The following SLC2A5 variants were observed in gnomAD, a reference collection of about 807,000 sequenced individuals.
The protein encoded by SLC2A5 is solute carrier family 2 member 5, also known as solute carrier family 2, facilitated glucose transporter member 5.
In SLC2A5, 56 loss-of-function variants were observed where a neutral mutation model predicts 50.3. The ratio of observed to expected loss-of-function variants is 1.11; its 90% CI spans 0.90 to 1.39. The LOEUF is 1.39. Among genes scored for constraint, SLC2A5 ranks in the 40% most tolerant of loss-of-function variants. SLC2A5 has a pLI of 0.00. For missense variants in SLC2A5, 566 were observed against 650.1 expected (o/e 0.87, Z 1.41); for synonymous variants, 269 against 281.9 (o/e 0.95, Z 0.46).
At chr1:9,066,139 G>A (rs892782176) in intron 1 of SLC2A5, among the ~76,000 whole-genome samples, 12 of 152,172 alleles carry the variant, frequency 7.9e-5, no homozygotes, top group African/African-American at 2.9e-4. Context: ...TACTCAACTA[G>A]TTGCTGGTGG....
intron 1 of SLC2A5, 51 bp downstream of exon 1, chr1:9,069,453 C>T: frequency 6.2e-7 from 1 of 1,603,696 alleles, no homozygotes; most frequent in Non-Finnish European, 8.5e-7. Flanking sequence ...GCTGCACAGG[C>T]CCTGGCAGCC....
At chr1:9,056,402 C>T (rs1641752621) in intron 3 of SLC2A5, among the ~76,000 whole-genome samples, 1 of 152,110 alleles carries the variant, frequency 6.6e-6, no homozygotes. Flanking sequence ...CCAGGCTGGT[C>T]TCCAACTCCT....
upstream of SLC2A5, among the ~76,000 whole-genome samples, chr1:9,072,817 C>T (rs1283778850): frequency 7.3e-6 from 1 of 137,782 alleles, no homozygotes; most frequent in African/African-American, 2.7e-5. Flanking sequence ...AAAAAATTAG[C>T]CGGTCGTGGT....
intron 1 of SLC2A5, among the ~76,000 whole-genome samples, chr1:9,087,730 CG>C (rs1557687433): frequency 6.6e-6 from 1 of 152,088 alleles, no homozygotes; most frequent in East Asian, 1.9e-4. Context: ...CTGTGAGACT[CG>C]GGCCAGGGCT....
intron 1 of SLC2A5, among the ~76,000 whole-genome samples, chr1:9,063,758 C>T (rs1449870521): frequency 3.4e-5 from 4 of 118,120 alleles, no homozygotes; most frequent in East Asian, 2.3e-4. Context: ...TGCAGTGGCG[C>T]GATCTCGGCT....
chr1:9,081,577 C>T (rs1373597966), intron 2 of SLC2A5, among the ~76,000 whole-genome samples: 1 of 150,694 alleles, frequency 6.6e-6, no homozygotes, highest in Non-Finnish European at 1.5e-5. Flanking sequence ...AGAACTCTTA[C>T]AACTCAACAA....
intron 3 of SLC2A5, among the ~76,000 whole-genome samples, chr1:9,048,472 AC>A (rs1641490397): frequency 6.6e-6 from 1 of 152,156 alleles, no homozygotes; most frequent in South Asian, 2.1e-4. Flanking sequence ...AGATCGTGCC[AC>A]TGCACTCCAG....
At chr1:9,082,817 G>C (rs1248739682) in intron 2 of SLC2A5, 1 of 421,866 alleles carries the variant, frequency 2.4e-6, no homozygotes. Context: ...TTTTGAATTT[G>C]CAGTAACAGC....
chr1:9,084,037 G>A (rs12732623), intron 2 of SLC2A5, among the ~76,000 whole-genome samples: 13,084 of 151,988 alleles, frequency 0.086, 683 homozygotes, highest in Middle Eastern at 0.2. Flanking sequence ...CCAGCTACGC[G>A]GGAGGCTGAG....
intron 4 of SLC2A5, among the ~76,000 whole-genome samples, chr1:9,042,658 G>A (rs1641335836): frequency 6.8e-6 from 1 of 147,256 alleles, no homozygotes; most frequent in Non-Finnish European, 1.5e-5. Flanking sequence ...TGGCCTGGGT[G>A]TGTGTGTGTG....
chr1:9,040,177 AG>A lies in SLC2A5; in HGVS notation c.583del (p.Leu195CysfsTer4), dbSNP rs1479551865. Reference sequence around the variant, plus strand: ...CGCGGGGACCCCGGTCAGCCCCAGCAGGATCGGCCAGCCTGGGAGGAAGGCA... The same window carrying A: ...CGCGGGGACCCCGGTCAGCCCCAGCAGATCGGCCAGCCTGGGAGGAAGGCA... ...LLANVDGWPI[L>X]LGLTGVPAAL... On this transcript the variant is annotated frameshift_variant, in exon 6 of 12. Coordinates refer to ENST00000377424, the MANE Select transcript of SLC2A5 (RefSeq NM_003039.3). LOFTEE classifies it high-confidence loss of function. The surrounding 1 kb of genome is among the most constrained non-coding windows in gnomAD (Gnocchi z 4.3). 6.4e-6 allele frequency: 10 copies of A among 1,550,542 alleles called. No individual in the cohort carries two copies. Among genetic ancestry groups the A allele is most frequent in the Non-Finnish European group, 8.7e-6 (10 of 1,148,302 alleles).
intron 9 of SLC2A5, 33 bp downstream of exon 9, chr1:9,038,795 C>G (rs1442524212): frequency 6.5e-7 from 1 of 1,538,524 alleles, no homozygotes; most frequent in Non-Finnish European, 8.8e-7. Context: ...CCTGGTGCAG[C>G]TCCGGGCTCC....
chr1:9,080,610 C>T (rs1403849784), intron 2 of SLC2A5, among the ~76,000 whole-genome samples: 3 of 152,154 alleles, frequency 2.0e-5, no homozygotes, highest in East Asian at 1.9e-4. Flanking sequence ...TTTTCACATT[C>T]GTGTTGGCCG....
chr1:9,084,047 G>A (rs183366689), intron 2 of SLC2A5, among the ~76,000 whole-genome samples: 52 of 152,198 alleles, frequency 3.4e-4, no homozygotes, highest in Admixed American at 3.0e-3. Context: ...GGGAGGCTGA[G>A]GCAGGAGCAT....
At chr1:9,043,723 CT>C (rs201866196) in intron 4 of SLC2A5, among the ~76,000 whole-genome samples, 30,975 of 141,954 alleles carry the variant, frequency 0.22, 3,448 homozygotes, top group Non-Finnish European at 0.27. Flanking sequence ...AGCAAAGTGG[CT>C]TTTTTTTTTT....
At chr1:9,063,509 A>G (rs1641997540) in intron 1 of SLC2A5, among the ~76,000 whole-genome samples, 3 of 151,392 alleles carry the variant, frequency 2.0e-5, no homozygotes, top group Admixed American at 2.0e-4. Flanking sequence ...GATAGCTGGG[A>G]TTACAGGTGC....
intron 2 of SLC2A5, among the ~76,000 whole-genome samples, chr1:9,083,475 A>G (rs1642373608): frequency 6.6e-6 from 1 of 152,210 alleles, no homozygotes; most frequent in Admixed American, 6.5e-5. Flanking sequence ...TGGAATCAAC[A>G]TAGCGCTGGA....
chr1:9,066,774 A>G (rs1042891624), intron 1 of SLC2A5, among the ~76,000 whole-genome samples: 1 of 151,856 alleles, frequency 6.6e-6, no homozygotes, highest in Non-Finnish European at 1.5e-5. Context: ...TGAGCCCAGT[A>G]GCCCAAGACC....
At chr1:9,051,329 T>C (rs1641571557) in intron 3 of SLC2A5, among the ~76,000 whole-genome samples, 1 of 152,030 alleles carries the variant, frequency 6.6e-6, no homozygotes, top group African/African-American at 2.4e-5. Context: ...ATTAAAACTT[T>C]CTGCTCTGTG....
Sources: allele counts gnomAD v4.1 joint callset (sites outside exome capture counted in the v4.1 genomes callset), GRCh38; gene constraint gnomAD v4.1.1; non-coding constraint Gnocchi (gnomAD v3.1); transcripts MANE v1.5; gene names NCBI Gene and HGNC (gene_info 2026-07-23, HGNC 2026-07-21).